The following GRIK2 variants were observed in gnomAD, a reference collection of about 807,000 sequenced individuals.
GRIK2 encodes glutamate ionotropic receptor kainate type subunit 2, also known as glutamate receptor ionotropic, kainate 2.
GRIK2 carries 32 observed loss-of-function variants against 100.3 expected under a neutral mutation model. The observed-to-expected ratio is 0.32, with a 90% CI of 0.24 to 0.43. The LOEUF (loss-of-function observed/expected upper bound fraction) is 0.43. Among genes scored for constraint, GRIK2 ranks in the 20% least tolerant of loss-of-function variants. GRIK2 has a pLI of 1.00. For synonymous variants in GRIK2, 417 were observed against 389.4 expected (o/e 1.07, Z -0.83); for missense variants, 843 against 1,114.9 (o/e 0.76, Z 3.47).
At chr6:101,979,437 G>A (rs1793586529) in intron 14 of GRIK2, among the ~76,000 whole-genome samples, 2 of 152,094 alleles carry the variant, frequency 1.3e-5, no homozygotes, top group African/African-American at 2.4e-5. Context: ...GGACTTATCT[G>A]TTAAAGGTGG....
chr6:102,016,409 T>C (rs10457944), intron 14 of GRIK2, among the ~76,000 whole-genome samples: 34,636 of 151,750 alleles, frequency 0.23, 4,035 homozygotes, highest in Middle Eastern at 0.31. Context: ...GCTTGAAGAC[T>C]GTTTTTCTGA....
chr6:101,947,328 A>G (rs1791342726), intron 14 of GRIK2, among the ~76,000 whole-genome samples: 1 of 152,164 alleles, frequency 6.6e-6, no homozygotes, highest in Non-Finnish European at 1.5e-5. Context: ...TCATTATTTT[A>G]TTTTGAATTG....
intron 14 of GRIK2, among the ~76,000 whole-genome samples, chr6:102,005,999 G>A (rs1364305529): frequency 1.3e-5 from 2 of 151,922 alleles, no homozygotes; most frequent in East Asian, 1.9e-4. Context: ...TTCAAGCTTA[G>A]TTAGATTAAG....
At chr6:101,616,356 T>TA (rs1008438116) in intron 2 of GRIK2, among the ~76,000 whole-genome samples, 4 of 151,644 alleles carry the variant, frequency 2.6e-5, no homozygotes, top group Non-Finnish European at 5.9e-5. Flanking sequence ...TACAAATAAA[T>TA]AAAAAATCAG....
chr6:101,967,345 G>A (rs140138298), intron 14 of GRIK2, among the ~76,000 whole-genome samples: 1 of 152,020 alleles, frequency 6.6e-6, no homozygotes, highest in African/African-American at 2.4e-5. Context: ...TATAGAAAAT[G>A]CCTTTGGGGA....
At chr6:101,438,539 T>C (rs1388634340) in intron 2 of GRIK2, among the ~76,000 whole-genome samples, 4 of 152,112 alleles carry the variant, frequency 2.6e-5, no homozygotes, top group Non-Finnish European at 4.4e-5. Flanking sequence ...CTCTTTCCAA[T>C]ACAGAGTCCT....
chr6:101,815,063 G>A (rs988801120), intron 9 of GRIK2, among the ~76,000 whole-genome samples: 5 of 152,092 alleles, frequency 3.3e-5, no homozygotes, highest in African/African-American at 1.2e-4. Context: ...ATGTACCCGA[G>A]TCACCTGATG....
intron 2 of GRIK2, among the ~76,000 whole-genome samples, chr6:101,544,410 G>A (rs187996181): frequency 7.2e-5 from 11 of 152,078 alleles, no homozygotes; most frequent in East Asian, 3.9e-4. Context: ...TTTCCCTATC[G>A]AACTAGGCCT....
At chr6:101,750,961 CATT>C (rs1402170551) in intron 7 of GRIK2, among the ~76,000 whole-genome samples, 1 of 152,180 alleles carries the variant, frequency 6.6e-6, no homozygotes, top group Non-Finnish European at 1.5e-5. Flanking sequence ...ATTCTCTCAT[CATT>C]GTGAGATATT....
chr6:101,552,255 A>G (rs180724572), intron 2 of GRIK2, among the ~76,000 whole-genome samples: 11 of 152,330 alleles, frequency 7.2e-5, no homozygotes, highest in Admixed American at 3.9e-4. Context: ...TGTCAGAATT[A>G]TACAGAAATT....
intron 10 of GRIK2, among the ~76,000 whole-genome samples, chr6:101,829,183 A>T (rs553449330): frequency 6.6e-6 from 1 of 152,192 alleles, no homozygotes; most frequent in East Asian, 1.9e-4. Context: ...GAATAGATGC[A>T]GAAATGCATT....
intron 2 of GRIK2, among the ~76,000 whole-genome samples, chr6:101,447,409 G>T (rs1321679792): frequency 6.6e-6 from 1 of 151,574 alleles, no homozygotes; most frequent in Admixed American, 6.6e-5. Context: ...CAAAAATAGA[G>T]AGCTCTATAT....
intron 9 of GRIK2, among the ~76,000 whole-genome samples, chr6:101,815,007 T>C (rs1265759569): frequency 6.6e-6 from 1 of 152,246 alleles, no homozygotes; most frequent in Non-Finnish European, 1.5e-5. Flanking sequence ...AAGTAGATAC[T>C]ATTATTTCCC....
chr6:101,834,933 A>C (rs1554271684), intron 10 of GRIK2, among the ~76,000 whole-genome samples: 1 of 152,100 alleles, frequency 6.6e-6, no homozygotes, highest in Non-Finnish European at 1.5e-5. Flanking sequence ...TGAGCTTGGG[A>C]GATCAAGGCT....
At chr6:101,447,114 A>T (rs1310454178) in intron 2 of GRIK2, among the ~76,000 whole-genome samples, 1 of 150,658 alleles carries the variant, frequency 6.6e-6, no homozygotes, top group African/African-American at 2.4e-5. Context: ...CAGCTGAAGG[A>T]TATAAACATT....
chr6:101,558,419 A>C (rs1776846064), intron 2 of GRIK2, among the ~76,000 whole-genome samples: 1 of 152,170 alleles, frequency 6.6e-6, no homozygotes, highest in African/African-American at 2.4e-5. Context: ...AGAGTGGAGA[A>C]ACTTTCACAG....
At chr6:101,963,724 T>G (rs891322611) in intron 14 of GRIK2, among the ~76,000 whole-genome samples, 1 of 151,998 alleles carries the variant, frequency 6.6e-6, no homozygotes, top group African/African-American at 2.4e-5. Flanking sequence ...CTCTAATTTT[T>G]GTACATATTA....
At chr6:101,995,028 C>A (rs975500648) in intron 14 of GRIK2, among the ~76,000 whole-genome samples, 1 of 151,830 alleles carries the variant, frequency 6.6e-6, no homozygotes. Flanking sequence ...GATATAGATT[C>A]TTATTATTTT....
At chr6:101,898,678 A>T (rs1044328731) in intron 12 of GRIK2, among the ~76,000 whole-genome samples, 4 of 152,018 alleles carry the variant, frequency 2.6e-5, no homozygotes, top group Admixed American at 6.6e-5. Flanking sequence ...CGTGTTATAA[A>T]GCTAGTCTCT....
Sources: gnomAD v4.1 joint callset for allele counts (sites outside exome capture counted in the v4.1 genomes callset) on GRCh38, gnomAD v4.1.1 for gene constraint, MANE v1.5 for transcripts, NCBI Gene and HGNC (gene_info 2026-07-23, HGNC 2026-07-21) for gene names.